Variants in CDH17 observed in about 807,000 individuals in gnomAD.
CDH17 encodes the protein cadherin 17, also known as cadherin-17.
A neutral mutation model predicts 86.3 loss-of-function variants in CDH17; 67 were observed. The observed-to-expected ratio is 0.78, with a 90% CI of 0.64 to 0.95. The LOEUF (loss-of-function observed/expected upper bound fraction) is 0.95. CDH17 is among the 40% of genes least tolerant of loss of function. The pLI is 0.00. For synonymous variants in CDH17, 367 were observed against 366.4 expected (o/e 1.00, Z -0.02); for missense variants, 993 against 1,017.6 (o/e 0.98, Z 0.33).
At chr8:94,170,099 TG>T (rs1813237958) in intron 9 of CDH17, among the ~76,000 whole-genome samples, 1 of 152,232 alleles carries the variant, frequency 6.6e-6, no homozygotes, top group East Asian at 1.9e-4. Flanking sequence ...CCTATATACA[TG>T]TATATAAGAT....
chr8:94,161,136 C>T (rs1013765554), intron 11 of CDH17, among the ~76,000 whole-genome samples: 2 of 152,166 alleles, frequency 1.3e-5, no homozygotes, highest in South Asian at 4.2e-4. Flanking sequence ...GATTCTTACC[C>T]TCAATCTAAA....
In CDH17 at chr8:94,176,528, C is replaced by T; in HGVS notation, c.424+13G>A. The T allele has an allele frequency of 1.2e-6, 2 of 1,613,142 alleles. No individual in the cohort carries two copies. The highest frequency in any genetic ancestry group is 1.7e-6 in the Non-Finnish European group (2 of 1,179,404). Reference sequence around the variant, plus strand: ...CCATCTTTCCATAAATATCTCTGGCCCCTGCCTGTTACCTGGGCGAGAGTT... The same window carrying T: ...CCATCTTTCCATAAATATCTCTGGCTCCTGCCTGTTACCTGGGCGAGAGTT... On this transcript the variant is annotated intron_variant, in intron 5 of 17. Transcript: ENST00000027335.
intron 10 of CDH17, among the ~76,000 whole-genome samples, chr8:94,163,592 G>C (rs769911714): frequency 3.9e-5 from 6 of 152,182 alleles, no homozygotes; most frequent in Admixed American, 6.5e-5. Context: ...ACCTCCTGTT[G>C]GTTTCCCTTA....
intron 11 of CDH17, among the ~76,000 whole-genome samples, chr8:94,161,061 T>C (rs1813042051): frequency 6.6e-6 from 1 of 152,174 alleles, no homozygotes. Flanking sequence ...GACCACAGCA[T>C]TGAAACAAGC....
chr8:94,186,886 G>T (rs1813591865), intron 3 of CDH17, among the ~76,000 whole-genome samples: 1 of 152,164 alleles, frequency 6.6e-6, no homozygotes, highest in African/African-American at 2.4e-5. Context: ...ACCTCCGCAG[G>T]CATGCAGACC....
intron 3 of CDH17, 22 bp from the exon 4 acceptor site, chr8:94,177,743 G>C (rs1225163678): frequency 6.2e-7 from 1 of 1,611,158 alleles, no homozygotes; most frequent in African/African-American, 1.3e-5. Context: ...GCAAAAAACA[G>C]ATTAAGTTGT....
upstream of CDH17, among the ~76,000 whole-genome samples, chr8:94,210,812 G>A (rs1814110784): frequency 6.6e-6 from 1 of 152,062 alleles, no homozygotes; most frequent in African/African-American, 2.4e-5. Context: ...CCTGAGGTCA[G>A]GAGTTTGAGA....
upstream of CDH17, among the ~76,000 whole-genome samples, chr8:94,211,419 C>T (rs931347990): frequency 6.6e-6 from 1 of 152,170 alleles, no homozygotes; most frequent in African/African-American, 2.4e-5. Flanking sequence ...TCAAGTGATT[C>T]TCCTGCCTCA....
intron 2 of CDH17, among the ~76,000 whole-genome samples, chr8:94,190,867 T>A (rs1813675033): frequency 6.6e-6 from 1 of 152,206 alleles, no homozygotes; most frequent in Non-Finnish European, 1.5e-5. Flanking sequence ...TGGGGAACCT[T>A]GACTAAGTTG....
intron 1 of CDH17, among the ~76,000 whole-genome samples, chr8:94,199,011 C>CTGATTGATATATATA (rs1342788929): frequency 7.0e-5 from 10 of 143,506 alleles, no homozygotes; most frequent in Non-Finnish European, 1.2e-4. Context: ...TCCAGCCAGT[C>CTGATTGATATATATA]TCTTCCTCTC....
intron 7 of CDH17, among the ~76,000 whole-genome samples, chr8:94,172,557 A>C (rs1461027052): frequency 6.6e-6 from 1 of 152,158 alleles, no homozygotes; most frequent in Non-Finnish European, 1.5e-5. Context: ...AAAACACTGA[A>C]GTATTATCCC....
intron 3 of CDH17, among the ~76,000 whole-genome samples, chr8:94,188,165 G>C (rs1007810232): frequency 6.6e-6 from 1 of 152,022 alleles, no homozygotes; most frequent in African/African-American, 2.4e-5. Context: ...GGTGTATTAT[G>C]GTCATGGAAC....
chr8:94,146,093 C>A lies in CDH17; in HGVS notation c.2002G>T (p.Ala668Ser). The A allele has an allele frequency of 6.2e-7, 1 of 1,613,012 alleles. No individual in the cohort carries two copies. ...MDVNDNPPRL[A>S]KDYTGLFFCH... Reference sequence around the variant, plus strand: ...AAGAACAAGCCCGTGTAGTCCTTGGCTAGCCTGGGAGGGTTGTCATTCACA... The same window carrying A: ...AAGAACAAGCCCGTGTAGTCCTTGGATAGCCTGGGAGGGTTGTCATTCACA... The change falls in exon 15 of 18, where the codon GCC (alanine) becomes TCC (serine). Residue 668 changes from alanine to serine, a missense_variant. Transcript: ENST00000027335.
At chr8:94,185,043 G>A (rs888942221) in intron 3 of CDH17, among the ~76,000 whole-genome samples, 20 of 152,076 alleles carry the variant, frequency 1.3e-4, no homozygotes, top group African/African-American at 1.9e-4. Context: ...TTCTTTCCAC[G>A]TACAAAGATG....
At chr8:94,181,323 A>G (rs961625741) in intron 3 of CDH17, among the ~76,000 whole-genome samples, 5 of 152,160 alleles carry the variant, frequency 3.3e-5, no homozygotes, top group African/African-American at 1.2e-4. Context: ...CTATAAACCA[A>G]TTAGAAGCTA....
At chr8:94,212,498 A>G, upstream of CDH17, among the ~76,000 whole-genome samples, 2 of 84,270 alleles carry the variant, frequency 2.4e-5, no homozygotes, top group African/African-American at 4.5e-5. Flanking sequence ...TCTGTTGTTG[A>G]GTTTTTTTTT....
In CDH17 at chr8:94,146,145, C is replaced by A. The variant is rs769628974; in HGVS notation, c.1950G>T (p.Val650=). The A allele has an allele frequency of 1.3e-6, 2 of 1,590,116 alleles. No individual in the cohort carries two copies. The highest frequency in any genetic ancestry group is 1.8e-5 in the Admixed American group (1 of 56,244). The change falls in exon 15 of 18, where the codon GTG becomes GTT. Residue 650 remains valine, a synonymous_variant. Coordinates refer to ENST00000027335, the MANE Select transcript of CDH17 (RefSeq NM_004063.4). ...CCATAAGGATCAGGTGGAACTCTGA[C>A]ACAGAGCTCAAGGAAGACCCCCCTA... The part of the protein sequence containing the change: ...TEVGGSSLSS[V]SEFHLILMDV...
In CDH17 at chr8:94,128,109, G is replaced by T; in HGVS notation, c.*131C>A. 3.1e-6 allele frequency: 2 copies of T among 650,620 alleles called. No individual in the cohort carries two copies. Among genetic ancestry groups the T allele is most frequent in the South Asian group, 1.9e-5 (1 of 52,980 alleles). The allele number at this position is 650,620 out of a possible 1,614,324, so 40.3% of individuals were successfully genotyped here. ...CTCCACCTCAAAAAAGAAATATTTA[G>T]CAAATATTAAAGGACAAGAGGGAAT... On this transcript the variant is annotated 3_prime_UTR_variant, in exon 18 of 18. Coordinates refer to ENST00000027335, the MANE Select transcript of CDH17 (RefSeq NM_004063.4).
chr8:94,214,111 A>T (rs942234259), intron 1 of CDH17, among the ~76,000 whole-genome samples: 1 of 152,198 alleles, frequency 6.6e-6, no homozygotes, highest in African/African-American at 2.4e-5. Context: ...AACTCCACAC[A>T]GCCATAGTGA....
Sources: gnomAD v4.1 joint callset for allele counts (sites outside exome capture counted in the v4.1 genomes callset) on GRCh38, gnomAD v4.1.1 for gene constraint, MANE v1.5 for transcripts, NCBI Gene and HGNC (gene_info 2026-07-23, HGNC 2026-07-21) for gene names.